Variants in CEP43 observed in about 807,000 individuals in gnomAD.
CEP43 encodes centrosomal protein 43, also known as FGFR1 oncogene partner.
A neutral mutation model predicts 52.6 loss-of-function variants in CEP43; 36 were observed. The ratio of observed to expected loss-of-function variants is 0.68; its 90% CI spans 0.52 to 0.90. The LOEUF is 0.90. CEP43 is among the 40% of genes least tolerant of loss of function. The probability of loss-of-function intolerance (pLI) is 0.00; values close to 1 mark genes in which losing one functional copy is unlikely to be tolerated. For missense variants in CEP43, 506 were observed against 472.8 expected, an observed-to-expected ratio of 1.07 and a Z score of -0.65; for synonymous variants, 192 against 172.4, an observed-to-expected ratio of 1.11 and a Z score of -0.89.
At position 167,040,198 on chromosome 6, in the gene CEP43, G is replaced by A. The variant is rs1296630105; in HGVS notation, c.*220G>A. ...AAGATTTAATATTCTTAATTTAACT[G>A]TACATTTCTTTATGGAAATTGATTA... On this transcript the variant is annotated 3_prime_UTR_variant, in exon 13 of 13. Transcript: ENST00000366847. 2.0e-6 allele frequency: 3 copies of A among 1,526,588 alleles called. No homozygotes were observed. The Admixed American group carries it at 6.1e-5, about 31-fold the overall frequency. 94.6% of individuals were successfully genotyped at this position (1,526,588 alleles called of 1,614,324 possible).
chr6:167,022,555 C>A lies in CEP43; in HGVS notation c.726C>A (p.Gly242=). 3 of 1,613,934 alleles carry A rather than the reference C, an allele frequency of 1.9e-6. No individual in the cohort carries two copies. The highest frequency in any genetic ancestry group is 2.5e-6 in the Non-Finnish European group (3 of 1,179,898). The part of the protein sequence containing the change: ...NRTLDGKDKA[G]LCPDEDDMEG... The stretch of plus-strand genomic sequence containing the variant: ...CTTTAGATGGCAAAGACAAAGCTGG[C>A]CTTTGTCCAGATGAAGATGATATGG... Residue 242 remains glycine, a synonymous_variant, in exon 8 of 13, where the codon GGC becomes GGA. Transcript: ENST00000366847.
At chr6:166,999,914 CTG>C in intron 1 of CEP43, 144 bp from the exon 2 acceptor site, 1 of 631,724 alleles carries the variant, frequency 1.6e-6, no homozygotes, top group Non-Finnish European at 2.8e-6. Context: ...GCTTGTGTGA[CTG>C]AGAACGTTTC....
intron 10 of CEP43, among the ~76,000 whole-genome samples, chr6:167,027,225 A>G (rs1780375151): frequency 6.6e-6 from 1 of 152,230 alleles, no homozygotes; most frequent in Non-Finnish European, 1.5e-5. Flanking sequence ...AAGTACATTC[A>G]TTCCTATGGA....
At chr6:167,025,636 A>G (rs957831307) in intron 9 of CEP43, among the ~76,000 whole-genome samples, 1 of 152,180 alleles carries the variant, frequency 6.6e-6, no homozygotes, top group African/African-American at 2.4e-5. Flanking sequence ...ATCTTTTTGT[A>G]TTGCTTGATA....
intron 5 of CEP43, among the ~76,000 whole-genome samples, chr6:167,009,507 A>G (rs1779933469): frequency 6.8e-6 from 1 of 146,416 alleles, no homozygotes; most frequent in East Asian, 2.0e-4. Context: ...CTCAAAAAAA[A>G]AAAAAAAAAA....
chr6:167,016,993 T>A (rs1268117765), intron 7 of CEP43, among the ~76,000 whole-genome samples: 2 of 149,668 alleles, frequency 1.3e-5, no homozygotes, highest in African/African-American at 4.9e-5. Flanking sequence ...TTTATTTATT[T>A]TTTTTTTTTT....
In CEP43 at chr6:167,046,130, A is replaced by C. The variant is rs1049558813; in HGVS notation, c.*6152A>C. On this transcript the variant is annotated 3_prime_UTR_variant, in exon 13 of 13. Coordinates refer to ENST00000366847, the MANE Select transcript of CEP43 (RefSeq NM_007045.4). ...ATACACTATTATGTGTCAATATATTAATTATATATTAATTACATTTATAGA... is the reference window on the plus strand; with the variant it reads ...ATACACTATTATGTGTCAATATATTCATTATATATTAATTACATTTATAGA... 3.9e-5 allele frequency: 6 copies of C among 152,280 alleles called. No individual in the cohort carries two copies. Among genetic ancestry groups the C allele is most frequent in the African/African-American group, 1.2e-4 (5 of 41,556 alleles). The allele number at this position is 152,280 out of a possible 1,614,324, so 9.4% of individuals were successfully genotyped here.
rs958043179 is a variant in CEP43, at chr6:167,003,216, G to C, written c.180G>C (p.Glu60Asp). 1 of 1,497,022 alleles carries C rather than the reference G, an allele frequency of 6.7e-7. No homozygotes were observed. 92.7% of individuals were successfully genotyped at this position (1,497,022 alleles called of 1,614,324 possible). ...KVENKTPLVN[E>D]SLKKFLNTKD... ...AGAACAAAACTCCTTTAGTTAATGA[G>C]AGCCTGAAAAAGTTTTTAAATACCA... The change falls in exon 3 of 13, where the codon GAG (glutamate) becomes GAC (aspartate). Residue 60 changes from glutamate (E) to aspartate (D), a missense_variant. Transcript: ENST00000366847.
At chr6:167,003,842 T>C (rs1339818129) in intron 4 of CEP43, 31 bp downstream of exon 4, 1 of 1,308,920 alleles carries the variant, frequency 7.6e-7, no homozygotes, top group Non-Finnish European at 1.1e-6. Context: ...ATCTATCTTT[T>C]GAAACCTTTG....
Position 167,040,256 on chromosome 6 carries a change from C to A in CEP43, c.*278C>A. The stretch of plus-strand genomic sequence containing the variant: ...TCAGTTTCATTACAGGGAAGGAACC[C>A]ATGAAAACATCAGTGTTAAGAGCAT... On this transcript the variant is annotated 3_prime_UTR_variant, in exon 13 of 13. Transcript: ENST00000366847. 6.7e-7 allele frequency: 1 copy of A among 1,502,414 alleles called. No individual in the cohort carries two copies. The highest frequency in any genetic ancestry group is 2.2e-5 in the Admixed American group (1 of 45,312). 93.1% of individuals were successfully genotyped at this position (1,502,414 alleles called of 1,614,324 possible).
chr6:167,017,148 A>ACC (rs1045044095), intron 7 of CEP43, among the ~76,000 whole-genome samples: 1 of 151,404 alleles, frequency 6.6e-6, no homozygotes, highest in Admixed American at 6.6e-5. Context: ...GGCGCCCACC[A>ACC]CCAAGCCCGG....
At position 167,030,217 on chromosome 6, in the gene CEP43, C is replaced by T. The variant is rs138561063; in HGVS notation, c.989-2386C>T. ...GAATCCAGTTAGCTTTCTTTAAATCCACATTGCAGCCACAGCCGTCCTCGC... is the reference window on the plus strand; with the variant it reads ...GAATCCAGTTAGCTTTCTTTAAATCTACATTGCAGCCACAGCCGTCCTCGC... On this transcript the variant is annotated intron_variant, in intron 10 of 12. Coordinates refer to ENST00000366847, the MANE Select transcript of CEP43 (RefSeq NM_007045.4). Among the ~76,000 whole-genome samples, 33 of 152,284 alleles carry T rather than the reference C, an allele frequency of 2.2e-4. No homozygotes were observed. The East Asian group carries it at 5.8e-3, about 27-fold the overall frequency.
At position 167,042,839 on chromosome 6, in the gene CEP43, T is replaced by TGTGTGTGTGTGTGTGTGTGTGTG. The variant is rs1554277254; in HGVS notation, c.*2861_*2862insGTGTGTGTGTGTGTGTGTGTGTG. ...TTGTGTGTGTGTGTGTGTGTGTGTG[T>TGTGTGTGTGTGTGTGTGTGTGTG]TTAACTATGAGCTCGTGAGAACAGG... On this transcript the variant is annotated 3_prime_UTR_variant, in exon 13 of 13. Transcript: ENST00000366847. The TGTGTGTGTGTGTGTGTGTGTGTG allele has an allele frequency of 2.7e-4, 42 of 153,182 alleles. No individual in the cohort carries two copies. Among genetic ancestry groups the TGTGTGTGTGTGTGTGTGTGTGTG allele is most frequent in the South Asian group, 8.3e-4 (4 of 4,832 alleles). The allele number at this position is 153,182 out of a possible 1,614,324, so 9.5% of individuals were successfully genotyped here. A position where few individuals can be genotyped will look rare whatever the true frequency, so the allele number is the denominator to read the frequency against.
intron 7 of CEP43, among the ~76,000 whole-genome samples, chr6:167,021,072 GA>G (rs5881725): frequency 0.46 from 65,204 of 143,084 alleles, 14,767 homozygotes; most frequent in East Asian, 0.69. Flanking sequence ...TCTTAAAAAA[GA>G]AAAAAAAAAA....
chr6:167,022,326 CTCA>C, intron 7 of CEP43, 80 bp from the exon 8 acceptor site: 1 of 933,622 alleles, frequency 1.1e-6, no homozygotes, highest in Admixed American at 2.4e-5. Context: ...TTTGATTATG[CTCA>C]TGAGACTTCT....
At chr6:167,003,505 T>C in intron 3 of CEP43, 1 of 523,044 alleles carries the variant, frequency 1.9e-6, no homozygotes, top group Non-Finnish European at 3.3e-6. Flanking sequence ...ATCTATGAGA[T>C]GATTGTCTTA....
chr6:167,010,940 G>A (rs765873469), intron 6 of CEP43, 47 bp downstream of exon 6: 3 of 1,130,098 alleles, frequency 2.7e-6, no homozygotes, highest in Non-Finnish European at 3.9e-6. Context: ...CTTAACTCCA[G>A]AGTGCTCTGC....
intron 8 of CEP43, among the ~76,000 whole-genome samples, chr6:167,023,490 C>G (rs1687186624): frequency 1.3e-5 from 2 of 152,208 alleles, no homozygotes; most frequent in African/African-American, 4.8e-5. Flanking sequence ...GGTGGCATGA[C>G]AGCCTGGAGG....
rs559656849 is a variant in CEP43 at position 167,032,324 on chromosome 6, C to A, written c.989-279C>A. ...GCTATACGCCATTAAGTCAAGGGAC[C>A]TTATTAATGGTGAGTGTGCCCCATG... On this transcript the variant is annotated intron_variant, in intron 10 of 12. Transcript: ENST00000366847. Among the ~76,000 whole-genome samples the A allele has an allele frequency of 5.3e-5, 8 of 152,294 alleles. No homozygotes were observed. The East Asian group carries it at 1.5e-3, about 29-fold the overall frequency.
Sources: gnomAD v4.1 joint callset for allele counts (sites outside exome capture counted in the v4.1 genomes callset) on GRCh38, gnomAD v4.1.1 for gene constraint, MANE v1.5 for transcripts, NCBI Gene and HGNC (gene_info 2026-07-23, HGNC 2026-07-21) for gene names.